Variants in GPHN observed in about 807,000 individuals in gnomAD.
GPHN encodes the protein gephyrin.
A neutral mutation model predicts 95.5 loss-of-function variants in GPHN; 17 were observed. The ratio of observed to expected loss-of-function variants is 0.18; its 90% CI spans 0.12 to 0.27. The LOEUF is 0.27. Among genes scored for constraint, GPHN ranks in the 10% least tolerant of loss-of-function variants. The probability of loss-of-function intolerance (pLI) is 1.00; values close to 1 mark genes in which losing one functional copy is unlikely to be tolerated. For synonymous variants in GPHN, 320 were observed against 322.5 expected (o/e 0.99, Z 0.08); for missense variants, 660 against 978.1 (o/e 0.67, Z 4.34).
the GPHN span, among the ~76,000 whole-genome samples, chr14:67,282,994 T>A: frequency 6.6e-6 from 1 of 152,128 alleles, no homozygotes; most frequent in Admixed American, 6.5e-5. Flanking sequence ...ATGACTGCCA[T>A]CTATCATATA....
chr14:67,358,207 G>A, the GPHN span, among the ~76,000 whole-genome samples: 1 of 152,108 alleles, frequency 6.6e-6, no homozygotes. Flanking sequence ...GAGTCATCAC[G>A]TCCTAGGAGT....
At chr14:66,844,447 GGTGT>G (rs1395598455) in intron 4 of GPHN, among the ~76,000 whole-genome samples, 5 of 151,994 alleles carry the variant, frequency 3.3e-5, no homozygotes, top group African/African-American at 1.2e-4. Context: ...TGTAAAGTGG[GGTGT>G]GTATGTGTGC....
At chr14:66,817,817 C>T (rs2153487825) in intron 3 of GPHN, among the ~76,000 whole-genome samples, 1 of 152,230 alleles carries the variant, frequency 6.6e-6, no homozygotes, top group Non-Finnish European at 1.5e-5. Context: ...AGAGTGAAGA[C>T]AGAAGAATGG....
intron 2 of GPHN, among the ~76,000 whole-genome samples, chr14:66,726,609 A>G (rs1336241410): frequency 1.3e-5 from 2 of 152,364 alleles, no homozygotes; most frequent in East Asian, 1.9e-4. Flanking sequence ...ATTATTTTGC[A>G]TTTATATAGC....
chr14:66,538,912 T>C (rs148615647), intron 1 of GPHN, among the ~76,000 whole-genome samples: 244 of 152,290 alleles, frequency 1.6e-3, no homozygotes, highest in African/African-American at 5.4e-3. Flanking sequence ...AGGCTGAAGG[T>C]GATATCTTCC....
the GPHN span, among the ~76,000 whole-genome samples, chr14:67,462,505 C>T: frequency 1.3e-5 from 2 of 152,186 alleles, no homozygotes; most frequent in Non-Finnish European, 1.5e-5. Flanking sequence ...GCCACCACAC[C>T]TGGCTAATTT....
the GPHN span, chr14:67,599,962 A>G: frequency 6.3e-6 from 9 of 1,424,448 alleles, no homozygotes; most frequent in Admixed American, 4.4e-5. Context: ...CAAAGACCCC[A>G]AAGACCCTCC....
At chr14:67,217,158 TTTC>T in the GPHN span, among the ~76,000 whole-genome samples, 1 of 145,992 alleles carries the variant, frequency 6.8e-6, no homozygotes, top group African/African-American at 2.7e-5. Flanking sequence ...ATAGAATGAC[TTTC>T]TTCATCTTTT....
intron 9 of GPHN, among the ~76,000 whole-genome samples, chr14:67,002,309 CTTTTTTTTTTT>C (rs1177817698): frequency 5.1e-5 from 3 of 58,760 alleles, no homozygotes; most frequent in African/African-American, 6.8e-5. Flanking sequence ...CTTTGTGTTG[CTTTTTTTTTTT>C]TTTTTTTTTT....
intron 1 of GPHN, among the ~76,000 whole-genome samples, chr14:66,656,930 T>C (rs970767298): frequency 5.9e-5 from 9 of 152,126 alleles, no homozygotes; most frequent in Non-Finnish European, 1.3e-4. Context: ...GAGCTACATA[T>C]CTCTCACTTT....
intron 4 of GPHN, among the ~76,000 whole-genome samples, chr14:66,877,523 A>C (rs1318360755): frequency 6.6e-6 from 1 of 152,134 alleles, no homozygotes; most frequent in African/African-American, 2.4e-5. Flanking sequence ...AGCTGGTAAG[A>C]AACTTCAGCA....
chr14:67,604,002 GT>G, the GPHN span, among the ~76,000 whole-genome samples: 8 of 147,788 alleles, frequency 5.4e-5, no homozygotes, highest in African/African-American at 1.0e-4. Context: ...TTTTGTTTTT[GT>G]TTTTTTTTTG....
chr14:66,753,446 T>A (rs1459042872), intron 2 of GPHN, among the ~76,000 whole-genome samples: 1 of 152,008 alleles, frequency 6.6e-6, no homozygotes, highest in Non-Finnish European at 1.5e-5. Context: ...AAGTTATGAT[T>A]GTTTTAAGCC....
Position 67,095,673 on chromosome 14 carries a change from G to A in GPHN, c.1238-5183G>A, listed in dbSNP as rs1013116008. On this transcript the variant is annotated intron_variant, in intron 12 of 22. Transcript: ENST00000478722. Reference sequence around the variant, plus strand: ...AAATCATCATTCTCAGTAAACTATCGCAAGGACAAAAAACCAAACACCGCA... The same window carrying A: ...AAATCATCATTCTCAGTAAACTATCACAAGGACAAAAAACCAAACACCGCA... Among the ~76,000 whole-genome samples, 12 of 151,266 alleles carry A rather than the reference G, an allele frequency of 7.9e-5. No homozygotes were observed. The South Asian group carries it at 8.4e-4, about 11-fold the overall frequency.
intron 17 of GPHN, among the ~76,000 whole-genome samples, chr14:67,135,326 A>G (rs999998941): frequency 1.3e-5 from 2 of 151,220 alleles, no homozygotes; most frequent in East Asian, 1.9e-4. Flanking sequence ...CTCTCCTCCA[A>G]CTTCCCCTAC....
rs576935151 is a variant in GPHN, at chr14:66,621,420, T to C, written c.65-59687T>C. ...GTGAGCCACAGTGCCTGGCCAGGGC[T>C]GTCAAATCTTTTTTTTTTTTTTGAG... On this transcript the variant is annotated intron_variant, in intron 1 of 22. Transcript: ENST00000478722. Among the ~76,000 whole-genome samples the C allele has an allele frequency of 3.0e-5, 4 of 133,518 alleles. No homozygotes were observed. The East Asian group carries it at 7.0e-4, about 23-fold the overall frequency. The allele number at this position is 133,518 out of a possible 152,430, so 87.6% of individuals were successfully genotyped here. A position where few individuals can be genotyped will look rare whatever the true frequency, so the allele number is the denominator to read the frequency against.
chr14:66,628,582 A>T (rs1040093928), intron 1 of GPHN, among the ~76,000 whole-genome samples: 1 of 152,080 alleles, frequency 6.6e-6, no homozygotes, highest in African/African-American at 2.4e-5. Context: ...AAGGCCTAGG[A>T]CTTTACCATA....
chr14:66,813,393 A>G (rs1047821969), intron 3 of GPHN, among the ~76,000 whole-genome samples: 5 of 152,210 alleles, frequency 3.3e-5, no homozygotes, highest in Non-Finnish European at 7.3e-5. Context: ...AGGAGAAGAC[A>G]TAGAAGCTGG....
intron 8 of GPHN, among the ~76,000 whole-genome samples, chr14:66,956,109 T>C (rs2068491130): frequency 1.3e-5 from 2 of 152,190 alleles, no homozygotes; most frequent in African/African-American, 4.8e-5. Flanking sequence ...ATTCTTATTA[T>C]TTTCTTTTGT....
Sources: gnomAD v4.1 joint callset for allele counts (sites outside exome capture counted in the v4.1 genomes callset) on GRCh38, gnomAD v4.1.1 for gene constraint, MANE v1.5 for transcripts, NCBI Gene and HGNC (gene_info 2026-07-23, HGNC 2026-07-21) for gene names.